Variants in PRDM15 observed in about 807,000 individuals in gnomAD.
PRDM15 encodes PR domain zinc finger protein 15.
PRDM15 carries 64 observed loss-of-function variants against 128.6 expected under a neutral mutation model. The ratio of observed to expected loss-of-function variants is 0.50; its 90% CI spans 0.41 to 0.61. PRDM15 has a LOEUF of 0.61. PRDM15 is among the 20% of genes least tolerant of loss of function. The pLI is 0.00. For synonymous variants in PRDM15, 615 were observed against 621.8 expected (o/e 0.99, Z 0.16); for missense variants, 1,242 against 1,569.1 (o/e 0.79, Z 3.52).
At chr21:41,834,289 C>T (rs1314380898) in intron 11 of PRDM15, among the ~76,000 whole-genome samples, 2 of 152,168 alleles carry the variant, frequency 1.3e-5, no homozygotes, top group African/African-American at 4.8e-5. Context: ...GCCAACCCCA[C>T]CAAGGGCCCC....
chr21:41,808,949 G>A (rs945341786), intron 21 of PRDM15, among the ~76,000 whole-genome samples: 35 of 152,206 alleles, frequency 2.3e-4, no homozygotes, highest in African/African-American at 7.7e-4. Flanking sequence ...CGGTGAGAGC[G>A]GCAACTCGTG....
chr21:41,803,700 T>G (rs1423859587), intron 22 of PRDM15, among the ~76,000 whole-genome samples: 1 of 152,188 alleles, frequency 6.6e-6, no homozygotes, highest in Non-Finnish European at 1.5e-5. Flanking sequence ...GCCTGTGGGT[T>G]CTGGGGCTGG....
intron 12 of PRDM15, among the ~76,000 whole-genome samples, chr21:41,827,525 A>G (rs994375867): frequency 2.6e-5 from 4 of 151,888 alleles, no homozygotes; most frequent in African/African-American, 9.7e-5. Context: ...AATTTTTTGT[A>G]GAAGCAGAGC....
chr21:41,814,971 G>A lies in PRDM15; in HGVS notation c.2392+734C>T, dbSNP rs186483418. 9.5e-3 allele frequency: 1,401 copies of A among 146,810 alleles called. 35 individuals carry two copies. The highest frequency in any genetic ancestry group is 0.076 in the Admixed American group (1,104 of 14,620). The allele number at this position is 146,810 out of a possible 1,614,324, so 9.1% of individuals were successfully genotyped here. A position where few individuals can be genotyped will look rare whatever the true frequency, so the allele number is the denominator to read the frequency against. ...GGGTGCTCTAGTGTTTTATGAGAAC[G>A]ACTTGTGTTAGTGATTGCGCAGGGT... On this transcript the variant is annotated intron_variant, in intron 19 of 23. Transcript: ENST00000398548.
chr21:41,858,177 G>C (rs185217007), intron 3 of PRDM15, among the ~76,000 whole-genome samples: 1 of 152,260 alleles, frequency 6.6e-6, no homozygotes, highest in East Asian at 1.9e-4. Flanking sequence ...CAGTTTCACT[G>C]AGGATGTGAC....
intron 11 of PRDM15, among the ~76,000 whole-genome samples, chr21:41,833,026 T>C (rs1440264559): frequency 6.6e-6 from 1 of 152,110 alleles, no homozygotes; most frequent in Admixed American, 6.5e-5. Context: ...TATGTCTGAA[T>C]AAATGAGCCA....
At chr21:41,867,408 G>A (rs765020174) in intron 1 of PRDM15, 1 of 1,504,158 alleles carries the variant, frequency 6.6e-7, no homozygotes, top group Non-Finnish European at 9.2e-7. Context: ...GCAAGCTGAG[G>A]CTCTACACAC....
intron 1 of PRDM15, among the ~76,000 whole-genome samples, chr21:41,860,594 T>C (rs2063781227): frequency 6.6e-6 from 1 of 152,154 alleles, no homozygotes; most frequent in Admixed American, 6.6e-5. Flanking sequence ...AGCTAATTTT[T>C]GTATTTTTAG....
At chr21:41,839,307 C>T (rs553269449) in intron 7 of PRDM15, among the ~76,000 whole-genome samples, 1 of 152,334 alleles carries the variant, frequency 6.6e-6, no homozygotes, top group African/African-American at 2.4e-5. Context: ...GGAATGAACT[C>T]GTACAGAAGA....
chr21:41,820,959 C>T (rs1345128780), intron 16 of PRDM15, 108 bp downstream of exon 16: 2 of 1,395,820 alleles, frequency 1.4e-6, no homozygotes, highest in Admixed American at 1.7e-5. Context: ...ACCCAGAGGA[C>T]ATCACTTGTT....
In PRDM15 at chr21:41,842,689, C is replaced by T. The variant is rs561032707; in HGVS notation, c.641-2836G>A. ...TATTTTTAGTAGAGACAGGGTTTCACCATGTTGGCCAGGATGGTCTTGATC... is the reference window on the plus strand; with the variant it reads ...TATTTTTAGTAGAGACAGGGTTTCATCATGTTGGCCAGGATGGTCTTGATC... On this transcript the variant is annotated intron_variant, in intron 6 of 23. Transcript: ENST00000398548. 2.6e-5 allele frequency among the ~76,000 whole-genome samples: 4 copies of T among 152,126 alleles called. No homozygotes were observed. In the South Asian group the frequency reaches 8.3e-4, roughly 32 times the overall value.
In PRDM15 at chr21:41,826,008, G is replaced by C; in HGVS notation, c.1581C>G (p.Asn527Lys). ...KREDLEAGGE[N>K]LVRYKKEPSG... ...AAGGCTCCTTCTTGTAACGGACCAGGTTCTCCCCACCGGCCTCCAGGTCCT... is the reference window on the plus strand; with the variant it reads ...AAGGCTCCTTCTTGTAACGGACCAGCTTCTCCCCACCGGCCTCCAGGTCCT... The change falls in exon 13 of 24, where the codon AAC becomes AAG. Residue 527 changes from asparagine to lysine, a missense_variant. Asn to Lys is a moderately conservative substitution (Grantham distance 94). Coordinates refer to ENST00000398548, the MANE Select transcript of PRDM15 (RefSeq NM_001040424.3). 1 of 1,614,102 alleles carries C rather than the reference G, an allele frequency of 6.2e-7. No individual in the cohort carries two copies. Among genetic ancestry groups the C allele is most frequent in the Non-Finnish European group, 8.5e-7 (1 of 1,180,014 alleles).
intron 17 of PRDM15, 79 bp downstream of exon 17, chr21:41,820,016 T>C (rs550952074): frequency 8.3e-7 from 1 of 1,210,370 alleles, no homozygotes; most frequent in African/African-American, 1.5e-5. Context: ...GTGTGTAGAA[T>C]ACGCGGAGAC....
intron 1 of PRDM15, chr21:41,871,850 T>G: frequency 2.1e-6 from 1 of 466,218 alleles, no homozygotes; most frequent in Non-Finnish European, 3.9e-6. Flanking sequence ...TGACCGGCCC[T>G]GCCGAGTACA....
intron 11 of PRDM15, among the ~76,000 whole-genome samples, chr21:41,829,951 C>T (rs1213282611): frequency 1.3e-5 from 2 of 148,642 alleles, no homozygotes; most frequent in East Asian, 4.1e-4. Flanking sequence ...ACATACTACA[C>T]AAATACACAG....
chr21:41,851,187 C>G (rs904778941), intron 5 of PRDM15, among the ~76,000 whole-genome samples: 2 of 152,220 alleles, frequency 1.3e-5, no homozygotes, highest in African/African-American at 4.8e-5. Context: ...GTGTCCACCC[C>G]AGAGGGCACG....
rs375023855 is a variant in PRDM15, at chr21:41,825,986, G to C, written c.1603C>G (p.Pro535Ala). 3.1e-6 allele frequency: 5 copies of C among 1,613,884 alleles called. No individual in the cohort carries two copies. The South Asian group carries it at 3.3e-5, about 11-fold the overall frequency. ...GENLVRYKKEPSGCPVCGKVF... is the reference protein window; with the variant it reads ...GENLVRYKKEASGCPVCGKVF... ...TTGCCACACACCGGGCACCCGGAAG[G>C]CTCCTTCTTGTAACGGACCAGGTTC... Residue 535 changes from proline (P) to alanine (A), a missense_variant, in exon 13 of 24, where the codon CCT (proline) becomes GCT (alanine). By Grantham distance (27) the Pro-to-Ala change is conservative. Around this residue, in one of 3 missense-constraint regions of PRDM15, gnomAD observed 612 missense variants for 717.0 expected, o/e 0.85. Transcript: ENST00000398548.
Position 41,854,931 on chromosome 21 carries a change from G to C in PRDM15, c.286-113C>G. On this transcript the variant is annotated intron_variant, in intron 4 of 23. Coordinates refer to ENST00000398548, the MANE Select transcript of PRDM15 (RefSeq NM_001040424.3). This position sits in a 1 kb window ranked among gnomAD's most constrained non-coding sequence, Gnocchi z 4.6. ...CCCATCTAGACAGTGCCACGTCAGA[G>C]GCCATAAGGGCTCCTGTACGGGATG... 1 of 1,149,872 alleles carries C rather than the reference G, an allele frequency of 8.7e-7. No individual in the cohort carries two copies. The highest frequency in any genetic ancestry group is 1.2e-6 in the Non-Finnish European group (1 of 826,922). The allele number at this position is 1,149,872 out of a possible 1,614,324, so 71.2% of individuals were successfully genotyped here.
At chr21:41,846,451 C>G (rs1340903071) in intron 6 of PRDM15, among the ~76,000 whole-genome samples, 1 of 152,228 alleles carries the variant, frequency 6.6e-6, no homozygotes, top group Admixed American at 6.5e-5. Flanking sequence ...CGCCTGTAAA[C>G]CCAGTACTTT....
Sources: gnomAD v4.1 joint callset for allele counts (sites outside exome capture counted in the v4.1 genomes callset) on GRCh38, gnomAD v4.1.1 for gene constraint, gnomAD v4.1.1 regional missense constraint, Gnocchi (gnomAD v3.1) non-coding constraint, MANE v1.5 for transcripts, NCBI Gene and HGNC (gene_info 2026-07-23, HGNC 2026-07-21) for gene names.